The following MCM5 variants were observed in gnomAD, a reference collection of about 807,000 sequenced individuals.
MCM5 encodes minichromosome maintenance complex component 5.
In MCM5, 46 loss-of-function variants were observed where a neutral mutation model predicts 79.9. The observed-to-expected ratio is 0.58, with a 90% CI of 0.45 to 0.74. MCM5 has a LOEUF of 0.74. MCM5 is among the 30% of genes least tolerant of loss of function. MCM5 has a pLI of 0.00. For missense variants in MCM5, 883 were observed against 1,017.0 expected (o/e 0.87, Z 1.79); for synonymous variants, 404 against 390.5 (o/e 1.03, Z -0.41).
the MCM5 span, among the ~76,000 whole-genome samples, chr22:35,441,657 G>A: frequency 6.6e-6 from 1 of 151,844 alleles, no homozygotes; most frequent in Non-Finnish European, 1.5e-5. Context: ...AAGGGCAGAG[G>A]AGGACTGGGC....
chr22:35,401,609 G>T (rs1313449284), intron 2 of MCM5: 1 of 470,854 alleles, frequency 2.1e-6, no homozygotes, highest in East Asian at 6.9e-5. Flanking sequence ...CAGTGTCTCT[G>T]GGCCTCACCA....
At chr22:35,416,308 G>A in intron 10 of MCM5, 31 bp from the exon 11 acceptor site, 1 of 1,605,068 alleles carries the variant, frequency 6.2e-7, no homozygotes, top group Non-Finnish European at 8.5e-7. Context: ...ACTTCAGTAG[G>A]TCTGATGATA....
chr22:35,413,050 G>T (rs1241798526), intron 8 of MCM5, among the ~76,000 whole-genome samples: 2 of 145,062 alleles, frequency 1.4e-5, no homozygotes, highest in Non-Finnish European at 1.5e-5. Context: ...GCCATTCTTT[G>T]TTTTTTTTTT....
At chr22:35,454,288 A>G in the MCM5 span, among the ~76,000 whole-genome samples, 8 of 152,002 alleles carry the variant, frequency 5.3e-5, no homozygotes, top group African/African-American at 1.9e-4. Context: ...GGAGCTCCTG[A>G]TGGGTAAATA....
At chr22:35,401,232 C>G (rs1932039260) in intron 2 of MCM5, 1 of 372,892 alleles carries the variant, frequency 2.7e-6, no homozygotes, top group Middle Eastern at 4.5e-4. Flanking sequence ...TTATCCAGAT[C>G]TTGTTCCTGT....
chr22:35,449,378 T>C, the MCM5 span, among the ~76,000 whole-genome samples: 2 of 152,240 alleles, frequency 1.3e-5, no homozygotes, highest in East Asian at 3.8e-4. Context: ...AAGTCCATGC[T>C]GAGTACCCCA....
intron 13 of MCM5, among the ~76,000 whole-genome samples, chr22:35,418,129 TGTAGACATG>T (rs1393578847): frequency 6.6e-6 from 1 of 152,156 alleles, no homozygotes; most frequent in Non-Finnish European, 1.5e-5. Context: ...GGCAGTGAAG[TGTAGACATG>T]GTAGACATGG....
chr22:35,427,139 G>C (rs1301991901), downstream of MCM5, among the ~76,000 whole-genome samples: 3 of 152,168 alleles, frequency 2.0e-5, no homozygotes, highest in African/African-American at 7.2e-5. Context: ...CTAACTACAC[G>C]ATCTTCACCA....
intron 2 of MCM5, among the ~76,000 whole-genome samples, 158 bp from the exon 3 acceptor site, chr22:35,403,049 G>T (rs1301181381): frequency 1.3e-5 from 2 of 152,142 alleles, no homozygotes; most frequent in Non-Finnish European, 2.9e-5. Context: ...GTTAAATAAT[G>T]GAATGATCTG....
chr22:35,408,969 CT>C (rs11288184), intron 6 of MCM5, among the ~76,000 whole-genome samples: 110,192 of 149,670 alleles, frequency 0.74, 41,521 homozygotes, highest in African/African-American at 0.91. Context: ...CCCAGGCTTT[CT>C]TTTTTTTTTT....
At position 35,416,726 on chromosome 22, in the gene MCM5, A is replaced by G. The variant is rs1266293028; in HGVS notation, c.1502A>G (p.Glu501Gly). The G allele has an allele frequency of 6.2e-7, 1 of 1,613,948 alleles. No homozygotes were observed. The highest frequency in any genetic ancestry group is 1.3e-5 in the African/African-American group (1 of 74,964). Residue 501 changes from glutamate (E) to glycine (G), a missense_variant, in exon 12 of 17, where the codon GAG becomes GGG. Glu to Gly is a moderately conservative substitution (Grantham distance 98, BLOSUM62 -2). Coordinates refer to ENST00000216122, the MANE Select transcript of MCM5 (RefSeq NM_006739.4). ...GGCCGCTGGGATGAGACGAAGGGGG[A>G]GGACAACATTGACTTCATGCCCACC... ...VFGRWDETKG[E>G]DNIDFMPTIL...
At chr22:35,441,799 G>A in the MCM5 span, among the ~76,000 whole-genome samples, 1 of 152,064 alleles carries the variant, frequency 6.6e-6, no homozygotes, top group Non-Finnish European at 1.5e-5. Flanking sequence ...CCCAGGCCAG[G>A]GAAGGAAAAA....
At chr22:35,415,737 TG>T (rs2145795275) in intron 9 of MCM5, 91 bp from the exon 10 acceptor site, 1 of 1,438,352 alleles carries the variant, frequency 7.0e-7, no homozygotes, top group Non-Finnish European at 9.5e-7. Flanking sequence ...TGTGTGACCT[TG>T]GGCAAATCAC....
the MCM5 span, among the ~76,000 whole-genome samples, chr22:35,435,559 T>C: frequency 6.6e-6 from 1 of 152,162 alleles, no homozygotes; most frequent in African/African-American, 2.4e-5. Flanking sequence ...TGGCTTATTT[T>C]TGAACTTGGT....
the MCM5 span, among the ~76,000 whole-genome samples, chr22:35,435,540 C>T: frequency 5.9e-5 from 9 of 152,308 alleles, no homozygotes; most frequent in Non-Finnish European, 7.4e-5. Context: ...ACCAGACTCT[C>T]GGGGAGTCTG....
Position 35,419,914 on chromosome 22 carries a change from T to G in MCM5, c.1734T>G (p.Ala578=). The G allele has an allele frequency of 2.5e-6, 4 of 1,613,236 alleles. No individual in the cohort carries two copies. Among genetic ancestry groups the G allele is most frequent in the Non-Finnish European group, 3.4e-6 (4 of 1,179,642 alleles). The change falls in exon 14 of 17, where the codon GCT becomes GCG. Residue 578 remains alanine (A), a synonymous_variant. Coordinates refer to ENST00000216122, the MANE Select transcript of MCM5 (RefSeq NM_006739.4). ...GTGGCCCCCGGCTGTCAGCAGAGGC[T>G]GCAGAGAAACTGAAGAACCGCTACA... The part of the protein sequence containing the change: ...VKCGPRLSAE[A]AEKLKNRYII...
chr22:35,446,174 TCTC>T, the MCM5 span, among the ~76,000 whole-genome samples: 1 of 152,194 alleles, frequency 6.6e-6, no homozygotes, highest in Non-Finnish European at 1.5e-5. Context: ...CTCTGTGTGT[TCTC>T]CTCTGGTAGG....
At chr22:35,400,906 G>A (rs1196538757) in intron 2 of MCM5, among the ~76,000 whole-genome samples, 8 of 152,124 alleles carry the variant, frequency 5.3e-5, no homozygotes, top group Non-Finnish European at 1.0e-4. Context: ...TGCAACCTCC[G>A]CTTCCCGGGT....
downstream of MCM5, among the ~76,000 whole-genome samples, chr22:35,428,021 CTTTTT>C (rs133437): frequency 6.8e-5 from 9 of 132,392 alleles, no homozygotes; most frequent in Non-Finnish European, 1.2e-4. Context: ...CTCTCTCTCT[CTTTTT>C]TTTTTTTTTT....
Sources: gnomAD v4.1 joint callset for allele counts (sites outside exome capture counted in the v4.1 genomes callset) on GRCh38, gnomAD v4.1.1 for gene constraint, MANE v1.5 for transcripts, NCBI Gene and HGNC (gene_info 2026-07-23, HGNC 2026-07-21) for gene names.